CTDSPL: variants seen among roughly 807,000 people sequenced by gnomAD.
CTDSPL encodes CTD small phosphatase like, also known as CTD small phosphatase-like protein.
CTDSPL carries 8 observed loss-of-function variants against 30.5 expected under a neutral mutation model. The observed-to-expected ratio is 0.26, with a 90% confidence interval of 0.15 to 0.47. The LOEUF (loss-of-function observed/expected upper bound fraction) is 0.47, where lower values mean the gene tolerates loss of function less well. Ranked by LOEUF, CTDSPL falls within the 20% of genes least tolerant of loss-of-function variation. The pLI, the probability that CTDSPL is intolerant of heterozygous loss-of-function variation, is 0.99. For missense variants in CTDSPL, 248 were observed against 366.1 expected (o/e 0.68, Z 2.63); for synonymous variants, 110 against 137.9 (o/e 0.80, Z 1.42).
chr3:37,908,486 T>TC (rs1698543019), intron 1 of CTDSPL, among the ~76,000 whole-genome samples: 1 of 152,216 alleles, frequency 6.6e-6, no homozygotes, highest in African/African-American at 2.4e-5. Context: ...AATGGCTGGG[T>TC]AATATTTTAT....
At chr3:37,913,191 G>T (rs1698603047) in intron 1 of CTDSPL, among the ~76,000 whole-genome samples, 1 of 152,096 alleles carries the variant, frequency 6.6e-6, no homozygotes, top group South Asian at 2.1e-4. Context: ...GTGGTGGCAT[G>T]TACCTGTAGT....
intron 7 of CTDSPL, among the ~76,000 whole-genome samples, chr3:37,979,300 T>TA (rs781634182): frequency 0.08 from 11,011 of 138,268 alleles, 476 homozygotes; most frequent in Non-Finnish European, 0.099. Context: ...CTGTCGCTAC[T>TA]AAAAAAAAAA....
At chr3:37,912,712 G>A (rs1455034341) in intron 1 of CTDSPL, among the ~76,000 whole-genome samples, 1 of 152,216 alleles carries the variant, frequency 6.6e-6, no homozygotes, top group Non-Finnish European at 1.5e-5. Flanking sequence ...TGGCAAGTTA[G>A]TAACTTGCCT....
chr3:37,946,519 C>T lies in CTDSPL; in HGVS notation c.80-538C>T, dbSNP rs559128485. ...CAAACTCTTGGCGAGTTTAAGCAGG[C>T]GGTTCTTTTGTGCCTTTACATATCT... On this transcript the variant is annotated intron_variant, in intron 1 of 7. Transcript: ENST00000273179. Among the ~76,000 whole-genome samples the T allele has an allele frequency of 3.9e-5, 6 of 152,328 alleles. No homozygotes were observed. In the South Asian group the frequency reaches 8.3e-4, roughly 21 times the overall value.
chr3:37,967,377 G>C (rs1032768674), intron 4 of CTDSPL, among the ~76,000 whole-genome samples: 9 of 152,242 alleles, frequency 5.9e-5, no homozygotes, highest in African/African-American at 1.9e-4. Context: ...TTCTCCTGCT[G>C]AGCAGCCCAT....
At chr3:37,888,059 G>A (rs1260300395) in intron 1 of CTDSPL, among the ~76,000 whole-genome samples, 1 of 152,218 alleles carries the variant, frequency 6.6e-6, no homozygotes, top group Non-Finnish European at 1.5e-5. Flanking sequence ...GAGTGTTGGA[G>A]TGAAGGCTGT....
intron 1 of CTDSPL, among the ~76,000 whole-genome samples, chr3:37,866,181 T>A (rs558374154): frequency 6.6e-6 from 1 of 152,328 alleles, no homozygotes; most frequent in African/African-American, 2.4e-5. Context: ...CTATGATACA[T>A]CATTAGCAGA....
At chr3:37,910,325 C>A (rs1433106033) in intron 1 of CTDSPL, among the ~76,000 whole-genome samples, 1 of 151,968 alleles carries the variant, frequency 6.6e-6, no homozygotes, top group Non-Finnish European at 1.5e-5. Context: ...AATAATAATA[C>A]AAAAAATCAG....
Position 37,981,584 on chromosome 3 carries a change from G to C in CTDSPL, c.*717G>C. The C allele has an allele frequency of 3.4e-6, 1 of 295,362 alleles. No individual in the cohort carries two copies. The highest frequency in any genetic ancestry group is 6.8e-6 in the Non-Finnish European group (1 of 147,934). 18.3% of individuals were successfully genotyped at this position (295,362 alleles called of 1,614,324 possible). A position where few individuals can be genotyped will look rare whatever the true frequency, so the allele number is the denominator to read the frequency against. On this transcript the variant is annotated 3_prime_UTR_variant, in exon 8 of 8. Transcript: ENST00000273179. Reference sequence around the variant, plus strand: ...TTTGGAATGTATCTGCAATTGTGTGGCTCAACACTTTAGGAAACAATAGAT... The same window carrying C: ...TTTGGAATGTATCTGCAATTGTGTGCCTCAACACTTTAGGAAACAATAGAT...
At chr3:37,889,329 G>GT (rs1698298256) in intron 1 of CTDSPL, among the ~76,000 whole-genome samples, 1 of 152,132 alleles carries the variant, frequency 6.6e-6, no homozygotes, top group Non-Finnish European at 1.5e-5. Flanking sequence ...TTGTAATAAA[G>GT]TTTTTTAAAA....
At chr3:37,968,626 C>A (rs768213421) in intron 5 of CTDSPL, among the ~76,000 whole-genome samples, 17 of 152,184 alleles carry the variant, frequency 1.1e-4, no homozygotes, top group Non-Finnish European at 2.4e-4. Flanking sequence ...TTAAAGGGAG[C>A]GTATCTGGCC....
intron 7 of CTDSPL, among the ~76,000 whole-genome samples, chr3:37,980,463 A>G (rs1699477018): frequency 6.6e-6 from 1 of 152,230 alleles, no homozygotes; most frequent in Admixed American, 6.5e-5. Flanking sequence ...CATACATTCT[A>G]TGCTCTGGCC....
At chr3:37,939,938 A>T (rs11714147) in intron 1 of CTDSPL, among the ~76,000 whole-genome samples, 6 of 149,828 alleles carry the variant, frequency 4.0e-5, no homozygotes, top group Non-Finnish European at 6.0e-5. Context: ...CTAAAAATAC[A>T]AAAATTAGCC....
chr3:37,970,833 T>C (rs1699358434), intron 5 of CTDSPL, among the ~76,000 whole-genome samples: 1 of 152,200 alleles, frequency 6.6e-6, no homozygotes, highest in East Asian at 1.9e-4. Context: ...GCCCACCCTT[T>C]ATGGTGTCAT....
At chr3:37,967,748 C>G (rs1575322003) in intron 4 of CTDSPL, 78 bp from the exon 5 acceptor site, 1 of 1,016,602 alleles carries the variant, frequency 9.8e-7, no homozygotes, top group Non-Finnish European at 1.5e-6. Context: ...TTGGTCTAGG[C>G]AGGCTTTTTT....
intron 1 of CTDSPL, among the ~76,000 whole-genome samples, chr3:37,869,105 A>G (rs1238366458): frequency 6.6e-6 from 1 of 152,052 alleles, no homozygotes; most frequent in Non-Finnish European, 1.5e-5. Context: ...AAGTCCTATT[A>G]ATATTTTATT....
chr3:37,969,895 G>C (rs1360639874), intron 5 of CTDSPL, among the ~76,000 whole-genome samples: 2 of 152,192 alleles, frequency 1.3e-5, no homozygotes, highest in African/African-American at 4.8e-5. Context: ...AAAATGACTT[G>C]GTTCTGTATA....
chr3:37,872,875 C>G (rs780994966), intron 1 of CTDSPL, among the ~76,000 whole-genome samples: 1 of 152,046 alleles, frequency 6.6e-6, no homozygotes, highest in Non-Finnish European at 1.5e-5. Flanking sequence ...GCCCAGCCCC[C>G]ACTTTGCCTC....
intron 1 of CTDSPL, among the ~76,000 whole-genome samples, chr3:37,886,564 A>T (rs927669163): frequency 6.6e-5 from 10 of 152,180 alleles, no homozygotes; most frequent in Non-Finnish European, 1.0e-4. Flanking sequence ...AGCTGAGTTG[A>T]ACCTATTCCC....
Sources: allele counts gnomAD v4.1 joint callset (sites outside exome capture counted in the v4.1 genomes callset), GRCh38; gene constraint gnomAD v4.1.1; transcripts MANE v1.5; gene names NCBI Gene and HGNC (gene_info 2026-07-23, HGNC 2026-07-21).